NHSL3: variants seen among roughly 807,000 people sequenced by gnomAD.
NHSL3 encodes NHS-like protein 3.
the NHSL3 span, among the ~76,000 whole-genome samples, chr1:32,753,852 G>C: frequency 6.6e-6 from 1 of 152,164 alleles, no homozygotes; most frequent in African/African-American, 2.4e-5. Flanking sequence ...GGCTCAGCCG[G>C]TCTCCCAGGT....
the NHSL3 span, among the ~76,000 whole-genome samples, chr1:32,746,907 G>C: frequency 6.6e-6 from 1 of 152,186 alleles, no homozygotes; most frequent in Admixed American, 6.6e-5. Flanking sequence ...CTCTTGTGCA[G>C]TGGGCAGCGG....
the NHSL3 span, among the ~76,000 whole-genome samples, chr1:32,762,472 T>A: frequency 6.6e-6 from 1 of 151,492 alleles, no homozygotes; most frequent in Non-Finnish European, 1.5e-5. Flanking sequence ...ATTTACTTTT[T>A]TTTTTTTAGA....
the NHSL3 span, among the ~76,000 whole-genome samples, chr1:32,751,762 GT>G: frequency 2.0e-5 from 3 of 152,138 alleles, no homozygotes; most frequent in African/African-American, 4.8e-5. Flanking sequence ...AACGCCTGGA[GT>G]TGTGTGCTGG....
At chr1:32,761,022 C>T in the NHSL3 span, among the ~76,000 whole-genome samples, 2 of 152,146 alleles carry the variant, frequency 1.3e-5, no homozygotes, top group South Asian at 2.1e-4. Context: ...GTGTGCCCTC[C>T]GTGCTGGGGG....
the NHSL3 span, among the ~76,000 whole-genome samples, chr1:32,745,733 T>C: frequency 6.6e-6 from 1 of 152,082 alleles, no homozygotes; most frequent in Non-Finnish European, 1.5e-5. Flanking sequence ...CTAACAGACA[T>C]GCAAGTGCGT....
chr1:32,742,897 C>G, the NHSL3 span, among the ~76,000 whole-genome samples: 1 of 152,166 alleles, frequency 6.6e-6, no homozygotes, highest in Non-Finnish European at 1.5e-5. Flanking sequence ...AAACTGAGGC[C>G]CAAGCTCAGT....
At chr1:32,745,794 T>G in the NHSL3 span, among the ~76,000 whole-genome samples, 1 of 152,192 alleles carries the variant, frequency 6.6e-6, no homozygotes, top group African/African-American at 2.4e-5. Flanking sequence ...GCTGTTGTTA[T>G]GCTGCTGAGG....
chr1:32,764,059 C>T, the NHSL3 span, among the ~76,000 whole-genome samples: 1 of 151,972 alleles, frequency 6.6e-6, no homozygotes, highest in Admixed American at 6.6e-5. Context: ...TAGGATCTTG[C>T]CTTGTTGCCC....
chr1:32,768,902 C>T, the NHSL3 span: 1 of 1,181,904 alleles, frequency 8.5e-7, no homozygotes, highest in African/African-American at 1.5e-5. Flanking sequence ...ACACAGTACC[C>T]TGTGTCCTCT....
chr1:32,774,844 A>G, the NHSL3 span: 1 of 152,506 alleles, frequency 6.6e-6, no homozygotes, highest in Non-Finnish European at 1.5e-5. Context: ...ATACATATAT[A>G]TATTTCTTTA....
the NHSL3 span, among the ~76,000 whole-genome samples, chr1:32,766,095 C>T: frequency 2.0e-5 from 3 of 152,070 alleles, no homozygotes; most frequent in African/African-American, 7.2e-5. Context: ...TGCCTCCCTG[C>T]CGGGGTACCC....
At chr1:32,769,343 C>G in the NHSL3 span, among the ~76,000 whole-genome samples, 2 of 152,168 alleles carry the variant, frequency 1.3e-5, no homozygotes, top group African/African-American at 4.8e-5. Flanking sequence ...TTGGGAAAAC[C>G]CTTAACCTCT....
the NHSL3 span, among the ~76,000 whole-genome samples, chr1:32,755,135 G>C: frequency 1.6e-4 from 24 of 152,374 alleles, 1 homozygote; most frequent in Admixed American, 1.4e-3. Flanking sequence ...CGGCAGTTCA[G>C]GGTATCCCCG....
the NHSL3 span, among the ~76,000 whole-genome samples, chr1:32,752,660 C>T: frequency 5.3e-5 from 8 of 151,832 alleles, no homozygotes; most frequent in Admixed American, 5.3e-4. Flanking sequence ...TCACTGCAAC[C>T]TCTGCCTCCC....
the NHSL3 span, chr1:32,765,706 G>A: frequency 1.2e-5 from 18 of 1,542,462 alleles, no homozygotes; most frequent in Non-Finnish European, 1.4e-5. Flanking sequence ...GTGAAGGTAC[G>A]CCCCGCGCTC....
the NHSL3 span, among the ~76,000 whole-genome samples, chr1:32,745,187 T>A: frequency 4.0e-5 from 6 of 150,022 alleles, no homozygotes; most frequent in Admixed American, 6.7e-5. Context: ...ATGCAAGGGG[T>A]TGCTATGCCT....
At chr1:32,770,894 G>C in the NHSL3 span, 2 of 1,609,784 alleles carry the variant, frequency 1.2e-6, no homozygotes, top group Non-Finnish European at 1.7e-6. This position sits in a 1 kb window ranked among gnomAD's most constrained non-coding sequence, Gnocchi z 8.3. Flanking sequence ...CGCCCCCCAC[G>C]GTCCCCAGAA....
At chr1:32,760,792 C>T in the NHSL3 span, among the ~76,000 whole-genome samples, 54 of 152,140 alleles carry the variant, frequency 3.5e-4, no homozygotes, top group East Asian at 1.4e-3. Context: ...GCTTTCACGG[C>T]GTTGGCCAGG....
the NHSL3 span, among the ~76,000 whole-genome samples, chr1:32,757,896 C>G: frequency 6.6e-6 from 1 of 152,132 alleles, no homozygotes; most frequent in Non-Finnish European, 1.5e-5. Flanking sequence ...CCTGCGGCCC[C>G]GGCCCCGGGG....
Sources: gnomAD v4.1 joint callset for allele counts (sites outside exome capture counted in the v4.1 genomes callset) on GRCh38, gnomAD v4.1.1 for gene constraint, Gnocchi (gnomAD v3.1) non-coding constraint, MANE v1.5 for transcripts, NCBI Gene and HGNC (gene_info 2026-07-23, HGNC 2026-07-21) for gene names.